The following GABRB2 variants were observed in gnomAD, a reference collection of about 807,000 sequenced individuals.
GABRB2 encodes the protein gamma-aminobutyric acid receptor subunit beta-2.
Under a neutral mutation model 54.7 loss-of-function variants are expected in GABRB2, and 16 were observed. The observed-to-expected ratio is 0.29, with a 90% CI of 0.20 to 0.44. The LOEUF (loss-of-function observed/expected upper bound fraction) is 0.44, where lower values mean the gene tolerates loss of function less well. GABRB2 is among the 20% of genes least tolerant of loss of function. The pLI is 1.00. For missense variants in GABRB2, 355 were observed against 644.0 expected, an observed-to-expected ratio of 0.55 and a Z score of 4.86; for synonymous variants, 244 against 233.8, an observed-to-expected ratio of 1.04 and a Z score of -0.40.
At chr5:161,437,936 A>G (rs1288238239) in intron 4 of GABRB2, among the ~76,000 whole-genome samples, 1 of 152,194 alleles carries the variant, frequency 6.6e-6, no homozygotes, top group Non-Finnish European at 1.5e-5. Flanking sequence ...TGAGTACTGC[A>G]AGGCACTTCT....
At chr5:161,490,126 A>ATT (rs1371852227) in intron 3 of GABRB2, among the ~76,000 whole-genome samples, 3 of 151,772 alleles carry the variant, frequency 2.0e-5, no homozygotes, top group Non-Finnish European at 4.4e-5. Flanking sequence ...GTGATAAACC[A>ATT]TTTATGCCAC....
At chr5:161,499,199 G>C (rs1242523463) in intron 3 of GABRB2, among the ~76,000 whole-genome samples, 1 of 151,998 alleles carries the variant, frequency 6.6e-6, no homozygotes, top group Non-Finnish European at 1.5e-5. Context: ...GCCAGGTGTT[G>C]GGGCTGATCA....
chr5:161,400,628 C>T (rs1756156584), intron 5 of GABRB2, among the ~76,000 whole-genome samples: 1 of 152,144 alleles, frequency 6.6e-6, no homozygotes. Flanking sequence ...CCTTATCAAA[C>T]TCTCAGTGTC....
chr5:161,411,731 C>T (rs1756522072), intron 4 of GABRB2, among the ~76,000 whole-genome samples: 1 of 151,876 alleles, frequency 6.6e-6, no homozygotes, highest in Non-Finnish European at 1.5e-5. Flanking sequence ...TACGTTCCTT[C>T]AATTTGTCTT....
chr5:161,318,724 A>G (rs2113376702), intron 9 of GABRB2, among the ~76,000 whole-genome samples: 1 of 152,142 alleles, frequency 6.6e-6, no homozygotes, highest in East Asian at 1.9e-4. Context: ...TCAAATTTCT[A>G]CAATAAACCA....
chr5:161,312,296 A>C (rs557606932), intron 9 of GABRB2, among the ~76,000 whole-genome samples: 3 of 152,306 alleles, frequency 2.0e-5, no homozygotes, highest in Non-Finnish European at 4.4e-5. Flanking sequence ...GCCTTGTCAA[A>C]TATCTCTCTC....
At chr5:161,529,172 T>C (rs751027651) in intron 3 of GABRB2, among the ~76,000 whole-genome samples, 2 of 151,988 alleles carry the variant, frequency 1.3e-5, no homozygotes, top group Non-Finnish European at 2.9e-5. Context: ...TTTCAGTGTA[T>C]ACACAAATTT....
intron 8 of GABRB2, chr5:161,329,579 G>T (rs1177689264): frequency 2.0e-5 from 3 of 152,120 alleles, no homozygotes; most frequent in African/African-American, 7.2e-5. Context: ...CTTCCATATG[G>T]TTTGCTCCAA....
chr5:161,512,344 T>C (rs1208350600), intron 3 of GABRB2, among the ~76,000 whole-genome samples: 2 of 151,864 alleles, frequency 1.3e-5, no homozygotes, highest in African/African-American at 4.8e-5. Context: ...AACAATACCA[T>C]AAGGCTACAA....
chr5:161,410,581 A>G (rs1282216393), intron 5 of GABRB2, among the ~76,000 whole-genome samples: 1 of 152,222 alleles, frequency 6.6e-6, no homozygotes, highest in Non-Finnish European at 1.5e-5. Context: ...TTACAAAGAT[A>G]GAAAGTTTAT....
rs1003559770 is a variant in GABRB2 at position 161,291,070 on chromosome 5, C to T, written c.*3011G>A. ...AATTTTAACATTCCTTATGCAAACA[C>T]ATGATTATGTTGCATGAGTTTTCAA... On this transcript the variant is annotated 3_prime_UTR_variant, in exon 10 of 10. Coordinates refer to ENST00000393959, the MANE Select transcript of GABRB2 (RefSeq NM_001371727.1). 2 of 152,522 alleles carry T rather than the reference C, an allele frequency of 1.3e-5. No individual in the cohort carries two copies. Among genetic ancestry groups the T allele is most frequent in the Non-Finnish European group, 2.9e-5 (2 of 68,014 alleles). The allele number at this position is 152,522 out of a possible 1,614,324, so 9.4% of individuals were successfully genotyped here.
At chr5:161,304,414 A>G (rs1757621687) in intron 9 of GABRB2, among the ~76,000 whole-genome samples, 1 of 152,214 alleles carries the variant, frequency 6.6e-6, no homozygotes, top group Non-Finnish European at 1.5e-5. Flanking sequence ...CAAAAATCCC[A>G]TAGTCTTGTA....
intron 5 of GABRB2, among the ~76,000 whole-genome samples, chr5:161,363,734 G>A (rs1754890869): frequency 6.6e-6 from 1 of 151,962 alleles, no homozygotes; most frequent in Admixed American, 6.6e-5. Flanking sequence ...GGGTTAGAAA[G>A]CAATCATTCT....
intron 5 of GABRB2, among the ~76,000 whole-genome samples, chr5:161,399,227 A>T (rs936482206): frequency 6.6e-6 from 1 of 152,196 alleles, no homozygotes; most frequent in Admixed American, 6.5e-5. Flanking sequence ...AACAATATGT[A>T]CACTGATTGA....
At chr5:161,536,750 A>C (rs1378239037) in intron 3 of GABRB2, among the ~76,000 whole-genome samples, 1 of 152,134 alleles carries the variant, frequency 6.6e-6, no homozygotes, top group African/African-American at 2.4e-5. Context: ...GGCATGCACC[A>C]CCACGCCCAG....
At chr5:161,507,571 T>C (rs1479177630) in intron 3 of GABRB2, among the ~76,000 whole-genome samples, 1 of 151,956 alleles carries the variant, frequency 6.6e-6, no homozygotes, top group Non-Finnish European at 1.5e-5. Flanking sequence ...TATATGTGTG[T>C]ACACACACAC....
intron 3 of GABRB2, among the ~76,000 whole-genome samples, chr5:161,495,905 T>A (rs1339047019): frequency 6.6e-6 from 1 of 152,154 alleles, no homozygotes; most frequent in Admixed American, 6.6e-5. Flanking sequence ...GATCTACTAC[T>A]GCAAACCTTC....
At chr5:161,497,511 T>C (rs1466924835) in intron 3 of GABRB2, among the ~76,000 whole-genome samples, 3 of 131,054 alleles carry the variant, frequency 2.3e-5, no homozygotes, top group African/African-American at 8.6e-5. Flanking sequence ...TTGGACTTTG[T>C]GTGTGTGAGT....
At chr5:161,476,054 CA>C (rs1307795028) in intron 3 of GABRB2, among the ~76,000 whole-genome samples, 2 of 151,816 alleles carry the variant, frequency 1.3e-5, no homozygotes, top group East Asian at 3.9e-4. Flanking sequence ...AAATATTCCA[CA>C]AAAAACTGTT....
Sources: allele counts gnomAD v4.1 joint callset (sites outside exome capture counted in the v4.1 genomes callset), GRCh38; gene constraint gnomAD v4.1.1; transcripts MANE v1.5; gene names NCBI Gene and HGNC (gene_info 2026-07-23, HGNC 2026-07-21).